The following DRC4 variants were observed in gnomAD, a reference collection of about 807,000 sequenced individuals.
DRC4 encodes dynein regulatory complex subunit 4.
the DRC4 span, chr16:90,040,235 A>G: frequency 6.8e-7 from 1 of 1,473,810 alleles, no homozygotes; most frequent in Non-Finnish European, 9.2e-7. Context: ...GGGAGGCAGC[A>G]TCTTCCCAGC....
chr16:90,033,029 T>C, the DRC4 span: 2 of 1,080,828 alleles, frequency 1.9e-6, no homozygotes, highest in South Asian at 3.0e-5. Flanking sequence ...TTCATATTTC[T>C]GCATAAGACT....
the DRC4 span, among the ~76,000 whole-genome samples, chr16:90,021,632 C>A: frequency 2.0e-5 from 3 of 151,808 alleles, no homozygotes; most frequent in African/African-American, 7.3e-5. Context: ...TTTGGGAGGC[C>A]GAGGCAGGAG....
At chr16:90,035,754 C>T in the DRC4 span, 1 of 1,613,776 alleles carries the variant, frequency 6.2e-7, no homozygotes, top group Non-Finnish European at 8.5e-7. Context: ...GAGGAATTTA[C>T]CTCCAGAGCT....
At chr16:90,027,558 T>A in the DRC4 span, 2 of 1,439,590 alleles carry the variant, frequency 1.4e-6, no homozygotes, top group Non-Finnish European at 9.8e-7. Context: ...CTCTGCCAAA[T>A]GTTCCTGGGA....
the DRC4 span, chr16:90,040,246 G>T: frequency 2.6e-6 from 4 of 1,513,770 alleles, no homozygotes; most frequent in African/African-American, 2.8e-5. Context: ...TCTTCCCAGC[G>T]AGATGTCCCC....
At chr16:90,039,420 T>A in the DRC4 span, among the ~76,000 whole-genome samples, 1 of 152,102 alleles carries the variant, frequency 6.6e-6, no homozygotes. Flanking sequence ...AGTTTCGCTC[T>A]TGTTGCCCAG....
chr16:90,031,460 G>A, the DRC4 span: 1 of 1,590,442 alleles, frequency 6.3e-7, no homozygotes, highest in Middle Eastern at 1.7e-4. Flanking sequence ...ACCGGGAGAT[G>A]GAAGAAGCCG....
chr16:90,032,741 C>G, the DRC4 span: 1 of 1,613,736 alleles, frequency 6.2e-7, no homozygotes, highest in Non-Finnish European at 8.5e-7. Flanking sequence ...AAGTGAAGCA[C>G]CTGCTATATG....
the DRC4 span, among the ~76,000 whole-genome samples, chr16:90,030,809 G>A: frequency 6.6e-6 from 1 of 152,054 alleles, no homozygotes; most frequent in Admixed American, 6.6e-5. Context: ...GCAGAGATGG[G>A]GTCTTGCTAT....
At chr16:90,031,210 T>C in the DRC4 span, 15 of 1,585,426 alleles carry the variant, frequency 9.5e-6, 1 homozygote, top group Middle Eastern at 1.7e-4. Flanking sequence ...GTCCTCCCTC[T>C]TTCTTCCTTG....
chr16:90,036,646 A>G, the DRC4 span: 33 of 1,483,332 alleles, frequency 2.2e-5, no homozygotes, highest in Admixed American at 6.5e-4. Flanking sequence ...TGTGGGCTGC[A>G]GAGTCCTGGG....
the DRC4 span, chr16:90,035,851 C>G: frequency 6.6e-7 from 1 of 1,513,784 alleles, no homozygotes. Flanking sequence ...AGTGGACCCA[C>G]TCAGAATCCC....
At chr16:90,035,914 C>G in the DRC4 span, 5 of 1,440,918 alleles carry the variant, frequency 3.5e-6, no homozygotes, top group Non-Finnish European at 4.5e-6. Context: ...CACACACATT[C>G]CCACTCCTAG....
chr16:90,027,771 A>G, the DRC4 span: 1 of 1,546,260 alleles, frequency 6.5e-7, no homozygotes, highest in Admixed American at 1.7e-5. Context: ...GTGGGCGGGC[A>G]CCACGCAGGG....
At chr16:90,031,323 C>T in the DRC4 span, 14 of 1,613,130 alleles carry the variant, frequency 8.7e-6, no homozygotes, top group East Asian at 2.2e-5. Context: ...CAGCCGCATC[C>T]GGGAGGAGCT....
chr16:90,025,377 C>T, the DRC4 span, among the ~76,000 whole-genome samples: 29 of 151,198 alleles, frequency 1.9e-4, 1 homozygote, highest in Admixed American at 7.2e-4. Context: ...ATGGGCCAGT[C>T]GCGGTGGCTC....
the DRC4 span, chr16:90,043,045 G>C: frequency 1.2e-6 from 1 of 841,128 alleles, no homozygotes; most frequent in South Asian, 1.9e-5. Flanking sequence ...GGTGCTTGGA[G>C]CTGTGTCCCA....
chr16:90,042,047 C>G, the DRC4 span, among the ~76,000 whole-genome samples: 1 of 152,014 alleles, frequency 6.6e-6, no homozygotes, highest in African/African-American at 2.4e-5. Flanking sequence ...AAGCAATTCT[C>G]ATGCCTCAGC....
At chr16:90,035,577 G>T in the DRC4 span, 3 of 1,611,466 alleles carry the variant, frequency 1.9e-6, no homozygotes, top group Non-Finnish European at 2.5e-6. Context: ...AGCCTGAAGG[G>T]AGCGGGCTTC....
Sources: gnomAD v4.1 joint callset for allele counts (sites outside exome capture counted in the v4.1 genomes callset) on GRCh38, gnomAD v4.1.1 for gene constraint, MANE v1.5 for transcripts, NCBI Gene and HGNC (gene_info 2026-07-23, HGNC 2026-07-21) for gene names.